Variants in TLR6 observed in about 807,000 individuals in gnomAD.
The protein encoded by TLR6 is toll-like receptor 6.
Under a neutral mutation model 16.1 loss-of-function variants are expected in TLR6, and 9 were observed. The ratio of observed to expected loss-of-function variants is 0.56; its 90% CI spans 0.34 to 0.98. TLR6 has a LOEUF of 0.98. TLR6 is among the 50% of genes least tolerant of loss of function. The pLI is 0.02. For synonymous variants in TLR6, 340 were observed against 338.6 expected (o/e 1.00, Z -0.04); for missense variants, 786 against 921.0 (o/e 0.85, Z 1.90).
chr4:38,841,676 T>A (rs546605516), intron 1 of TLR6, among the ~76,000 whole-genome samples: 2 of 152,244 alleles, frequency 1.3e-5, no homozygotes, highest in African/African-American at 4.8e-5. Context: ...TCTGGGCAAC[T>A]ATATATATGC....
In TLR6 at chr4:38,837,814, G is replaced by A. The variant is rs151176801; in HGVS notation, c.-64-8277C>T. ...ATCAACAGGGTGAATAGATAACAGG[G>A]TTAAATGGGCGAAAATATTTGCAAA... On this transcript the variant is annotated intron_variant, in intron 1 of 1. Transcript: ENST00000436693. Among the ~76,000 whole-genome samples the A allele has an allele frequency of 1.4e-3, 212 of 152,162 alleles. 4 individuals carry two copies. In the East Asian group the frequency reaches 0.025, roughly 18 times the overall value.
upstream of TLR6, among the ~76,000 whole-genome samples, chr4:38,857,001 T>C (rs1319500920): frequency 2.0e-5 from 3 of 152,240 alleles, no homozygotes; most frequent in Admixed American, 2.0e-4. Context: ...ATTTTCTAAT[T>C]CGTGTGAGGA....
chr4:38,839,872 A>T (rs1712163514), intron 1 of TLR6, among the ~76,000 whole-genome samples: 1 of 152,222 alleles, frequency 6.6e-6, no homozygotes, highest in African/African-American at 2.4e-5. Flanking sequence ...TGAGCCTGAG[A>T]AACCTCCGAT....
rs757709968 is a variant in TLR6, at chr4:38,828,870, CA to C, written c.603del (p.Val202PhefsTer12). The C allele has an allele frequency of 1.2e-6, 2 of 1,613,802 alleles. No homozygotes were observed. The highest frequency in any genetic ancestry group is 2.2e-5 in the South Asian group (2 of 91,038). The stretch of plus-strand genomic sequence containing the variant: ...GCGAATAAACTAGTTGGGTGAAAAA[CA>C]AGGTGAAGGGTTTTTGCATTCAGAA... On this transcript the variant is annotated frameshift_variant, in exon 2 of 2. Coordinates refer to ENST00000436693, the Ensembl canonical transcript of TLR6. LOFTEE classifies it low-confidence loss of function (END_TRUNC).
chr4:38,848,097 C>T (rs1327403129), intron 1 of TLR6, among the ~76,000 whole-genome samples: 2 of 151,110 alleles, frequency 1.3e-5, no homozygotes, highest in East Asian at 1.9e-4. Flanking sequence ...TCCAGAGGAA[C>T]GATCAGGCAG....
intron 1 of TLR6, among the ~76,000 whole-genome samples, chr4:38,839,152 A>AG (rs960107381): frequency 1.7e-5 from 1 of 59,586 alleles, no homozygotes; most frequent in Admixed American, 2.1e-4. Flanking sequence ...AGGGGAGGGA[A>AG]GGGGGGGAAG....
At position 38,827,147 on chromosome 4, in the gene TLR6, T is replaced by C. The variant is rs149636351; in HGVS notation, c.2327A>G (p.Asn776Ser). ...TTTCATATTAAAAGCGGCTCTAATG[T>C]TAGCCCAAAAGAGCCCACGTTTGCT... The change falls in exon 2 of 2, where the codon AAC becomes AGC. Residue 776 changes from asparagine (N) to serine (S), a missense_variant. By Grantham distance (46) the Asn-to-Ser change is conservative (BLOSUM62 1). Transcript: ENST00000436693. 1.7e-4 allele frequency: 267 copies of C among 1,613,886 alleles called. 1 individual carries two copies. In the Admixed American group the frequency reaches 2.4e-3, roughly 15 times the overall value.
chr4:38,862,790 TTTCAC>T, the TLR6 span, among the ~76,000 whole-genome samples: 1 of 151,262 alleles, frequency 6.6e-6, no homozygotes, highest in East Asian at 1.9e-4. Context: ...AGAGACAGGG[TTTCAC>T]CCTGTTAACC....
rs141983173 is a variant in TLR6 at position 38,843,383 on chromosome 4, G to A, written c.-65+13378C>T. 4.5e-3 allele frequency among the ~76,000 whole-genome samples: 683 copies of A among 152,318 alleles called. 6 individuals carry two copies. Among genetic ancestry groups the A allele is most frequent in the African/African-American group, 0.016 (651 of 41,558 alleles). On this transcript the variant is annotated intron_variant, in intron 1 of 1. Transcript: ENST00000436693. ...ATAATTGAGAGCAGATTACCAAAATGAGCACTGCACATTGCTCAGTTTTAT... is the reference window on the plus strand; with the variant it reads ...ATAATTGAGAGCAGATTACCAAAATAAGCACTGCACATTGCTCAGTTTTAT...
chr4:38,844,110 T>A (rs1468645534), intron 1 of TLR6, among the ~76,000 whole-genome samples: 1 of 152,144 alleles, frequency 6.6e-6, no homozygotes, highest in Non-Finnish European at 1.5e-5. Context: ...ACTTTACACT[T>A]AGTGATGGAC....
At chr4:38,851,642 T>C (rs1712778221) in intron 1 of TLR6, among the ~76,000 whole-genome samples, 1 of 152,108 alleles carries the variant, frequency 6.6e-6, no homozygotes. Context: ...TCACAATTGC[T>C]TCAAAGAGAA....
At position 38,829,286 on chromosome 4, in the gene TLR6, T is replaced by C. The variant is rs1286716410; in HGVS notation, c.188A>G (p.Tyr63Cys). ...GTCAGAGACCTGAAGCTCAGCGATGTAGTTCTGAGACATATCTAAGACTTT... is the reference window on the plus strand; with the variant it reads ...GTCAGAGACCTGAAGCTCAGCGATGCAGTTCTGAGACATATCTAAGACTTT... The change falls in exon 2 of 2, where the codon TAC (tyrosine) becomes TGC (cysteine). Residue 63 changes from tyrosine (Y) to cysteine (C), a missense_variant. Coordinates refer to ENST00000436693, the Ensembl canonical transcript of TLR6. 18 of 1,614,108 alleles carry C rather than the reference T, an allele frequency of 1.1e-5. No individual in the cohort carries two copies. Among genetic ancestry groups the C allele is most frequent in the Non-Finnish European group, 1.5e-5 (18 of 1,180,028 alleles).
intron 1 of TLR6, among the ~76,000 whole-genome samples, chr4:38,845,666 C>G (rs1362029552): frequency 1.3e-5 from 2 of 152,222 alleles, no homozygotes; most frequent in East Asian, 1.9e-4. Flanking sequence ...AGAATGCAGC[C>G]TTGCCAGTCC....
At chr4:38,836,012 CA>C (rs975060914) in intron 1 of TLR6, among the ~76,000 whole-genome samples, 4 of 151,804 alleles carry the variant, frequency 2.6e-5, no homozygotes, top group Non-Finnish European at 4.4e-5. Context: ...ATGCCTACAT[CA>C]AAAAAGTAGA....
At chr4:38,846,209 A>T (rs1412226327) in intron 1 of TLR6, among the ~76,000 whole-genome samples, 1 of 152,234 alleles carries the variant, frequency 6.6e-6, no homozygotes, top group East Asian at 1.9e-4. Flanking sequence ...GCTTAAACAC[A>T]GTTGCACAAT....
chr4:38,826,793 A>T (rs1376312918), exon 2 of TLR6: 4 of 245,428 alleles, frequency 1.6e-5, no homozygotes, highest in African/African-American at 4.5e-5. Flanking sequence ...CTCACAACAG[A>T]ATCCATTTGG....
At chr4:38,860,535 T>TA (rs61334345), upstream of TLR6, among the ~76,000 whole-genome samples, 129 of 133,518 alleles carry the variant, frequency 9.7e-4, no homozygotes, top group Middle Eastern at 7.5e-3. Flanking sequence ...TCTGCTGAAT[T>TA]AAAAAAAAAA....
the TLR6 span, among the ~76,000 whole-genome samples, chr4:38,862,951 A>C: frequency 2.6e-5 from 4 of 151,282 alleles, no homozygotes; most frequent in East Asian, 1.9e-4. Context: ...AAAAAAAAAA[A>C]AAACTCCCTT....
intron 1 of TLR6, among the ~76,000 whole-genome samples, chr4:38,842,771 T>A (rs993980266): frequency 6.6e-6 from 1 of 151,920 alleles, no homozygotes; most frequent in Non-Finnish European, 1.5e-5. Context: ...TCTAATACCA[T>A]CACGTTGGTA....
Sources: gnomAD v4.1 joint callset for allele counts (sites outside exome capture counted in the v4.1 genomes callset) on GRCh38, gnomAD v4.1.1 for gene constraint, MANE v1.5 for transcripts, NCBI Gene and HGNC (gene_info 2026-07-23, HGNC 2026-07-21) for gene names.